CEP128: variants seen among roughly 807,000 people sequenced by gnomAD.
CEP128 encodes the protein centrosomal protein 128.
Under a neutral mutation model 156.7 loss-of-function variants are expected in CEP128, and 132 were observed. The observed-to-expected ratio is 0.84, with a 90% confidence interval of 0.73 to 0.97. The LOEUF (loss-of-function observed/expected upper bound fraction) is 0.97, where lower values mean the gene tolerates loss of function less well. CEP128 is among the 50% of genes least tolerant of loss of function. The pLI, the probability that CEP128 is intolerant of heterozygous loss-of-function variation, is 0.00. For synonymous variants in CEP128, 469 were observed against 448.9 expected, an observed-to-expected ratio of 1.04 and a Z score of -0.57; for missense variants, 1,252 against 1,281.9, an observed-to-expected ratio of 0.98 and a Z score of 0.36.
rs1242719568 is a variant in CEP128, at chr14:80,571,316, C to CTA, written c.2856+9056_2856+9057dup. Among the ~76,000 whole-genome samples, 3 of 152,244 alleles carry CTA rather than the reference C, an allele frequency of 2.0e-5. No homozygotes were observed. In the East Asian group the frequency reaches 5.8e-4, roughly 29 times the overall value. On this transcript the variant is annotated intron_variant, in intron 20 of 24. Coordinates refer to ENST00000555265, the MANE Select transcript of CEP128 (RefSeq NM_152446.5). Reference sequence around the variant, plus strand: ...ACAGTGAAATAAGAACTAGGGATTTCTATTACAACCAGAATGTAGTAAAGG... The same window carrying CTA: ...ACAGTGAAATAAGAACTAGGGATTTCTATATTACAACCAGAATGTAGTAAAGG...
intron 2 of CEP128, among the ~76,000 whole-genome samples, chr14:80,953,242 A>G (rs1462122260): frequency 6.6e-6 from 1 of 152,268 alleles, no homozygotes; most frequent in Non-Finnish European, 1.5e-5. Context: ...CGTCTATGTA[A>G]AACTTTTAAA....
intron 9 of CEP128, among the ~76,000 whole-genome samples, chr14:80,851,610 C>G (rs565832796): frequency 6.6e-6 from 1 of 151,632 alleles, no homozygotes; most frequent in Admixed American, 6.6e-5. Context: ...ATATACTCCA[C>G]TCCAAATAGA....
intron 19 of CEP128, among the ~76,000 whole-genome samples, chr14:80,599,532 C>T (rs1401176506): frequency 6.6e-6 from 1 of 152,094 alleles, no homozygotes; most frequent in Non-Finnish European, 1.5e-5. Flanking sequence ...GCCTTAGCCT[C>T]CCAAAGTGCT....
downstream of CEP128, among the ~76,000 whole-genome samples, chr14:80,494,421 T>C (rs551698243): frequency 4.6e-5 from 7 of 152,318 alleles, no homozygotes; most frequent in African/African-American, 1.7e-4. Flanking sequence ...TACCATAGGA[T>C]GTGTAGTTGC....
At chr14:80,691,091 A>T (rs953487824) in intron 19 of CEP128, among the ~76,000 whole-genome samples, 3 of 152,212 alleles carry the variant, frequency 2.0e-5, no homozygotes, top group African/African-American at 7.2e-5. Flanking sequence ...TAACCTATAA[A>T]TACTTGAAGT....
intron 18 of CEP128, among the ~76,000 whole-genome samples, chr14:80,745,254 C>T (rs1161607115): frequency 6.6e-6 from 1 of 152,098 alleles, no homozygotes; most frequent in East Asian, 1.9e-4. Context: ...GCTTGCTTCC[C>T]TTTCACCCTT....
Position 80,661,708 on chromosome 14 carries a change from G to A in CEP128, c.2807-81285C>T, listed in dbSNP as rs185665144. 2.9e-3 allele frequency among the ~76,000 whole-genome samples: 441 copies of A among 152,190 alleles called. 1 individual carries two copies. Among genetic ancestry groups the A allele is most frequent in the African/African-American group, 0.01 (425 of 41,538 alleles). ...TTTTCATTAAAGCAGGTTTTTGCTA[G>A]GCAGTTGGACTTCAAATAAATATAT... On this transcript the variant is annotated intron_variant, in intron 19 of 24. Transcript: ENST00000555265.
intron 9 of CEP128, among the ~76,000 whole-genome samples, chr14:80,857,740 A>AC (rs1887264315): frequency 1.4e-4 from 19 of 138,742 alleles, no homozygotes; most frequent in African/African-American, 4.2e-4. Context: ...ATCTCAAAAA[A>AC]AAACAACAAC....
chr14:80,539,843 G>C (rs1222251043), intron 21 of CEP128, among the ~76,000 whole-genome samples: 1 of 152,074 alleles, frequency 6.6e-6, no homozygotes, highest in Non-Finnish European at 1.5e-5. Flanking sequence ...CTGGGGGGAG[G>C]TCTATAAACA....
At chr14:80,696,877 T>C (rs1169623782) in intron 19 of CEP128, among the ~76,000 whole-genome samples, 5 of 151,932 alleles carry the variant, frequency 3.3e-5, no homozygotes, top group Admixed American at 1.3e-4. Context: ...GCGTCGTTTC[T>C]TTGTATTTGC....
At chr14:80,927,079 C>T (rs1429341003) in intron 2 of CEP128, among the ~76,000 whole-genome samples, 1 of 152,202 alleles carries the variant, frequency 6.6e-6, no homozygotes, top group Non-Finnish European at 1.5e-5. Flanking sequence ...GCGGCAGCCC[C>T]ACTAGGTGGC....
intron 19 of CEP128, among the ~76,000 whole-genome samples, chr14:80,583,059 C>T (rs929713928): frequency 1.3e-5 from 2 of 152,126 alleles, no homozygotes; most frequent in Non-Finnish European, 2.9e-5. Flanking sequence ...ACAACTCACT[C>T]ATCTGATAAA....
intron 13 of CEP128, among the ~76,000 whole-genome samples, chr14:80,799,628 C>G (rs1883715915): frequency 6.6e-6 from 1 of 152,046 alleles, no homozygotes; most frequent in South Asian, 2.1e-4. Context: ...TATTAATACC[C>G]TGGGGAAGGA....
intron 21 of CEP128, among the ~76,000 whole-genome samples, chr14:80,538,539 T>C (rs901924173): frequency 6.6e-6 from 1 of 152,222 alleles, no homozygotes; most frequent in African/African-American, 2.4e-5. Flanking sequence ...TAGATTCAAC[T>C]ATTAACATTA....
At chr14:80,920,074 A>T (rs1248918456) in intron 2 of CEP128, among the ~76,000 whole-genome samples, 2 of 152,216 alleles carry the variant, frequency 1.3e-5, no homozygotes, top group African/African-American at 4.8e-5. Flanking sequence ...TCATTATAAT[A>T]AAAAATAAAA....
intron 19 of CEP128, among the ~76,000 whole-genome samples, chr14:80,630,614 C>T (rs1893921011): frequency 6.6e-6 from 1 of 152,014 alleles, no homozygotes; most frequent in Non-Finnish European, 1.5e-5. Flanking sequence ...CAGTAATATA[C>T]ATTATTCCTT....
chr14:80,803,794 T>TATTTC (rs1884014659), intron 13 of CEP128, among the ~76,000 whole-genome samples: 1 of 152,222 alleles, frequency 6.6e-6, no homozygotes, highest in Admixed American at 6.5e-5. Flanking sequence ...GTAAAGCCTC[T>TATTTC]ATTTCATCCT....
chr14:80,744,813 C>T (rs537322055), intron 18 of CEP128, among the ~76,000 whole-genome samples: 1 of 152,240 alleles, frequency 6.6e-6, no homozygotes, highest in East Asian at 1.9e-4. Context: ...TGTTGAGAAT[C>T]CCTTGCTCCC....
At chr14:80,654,904 C>T (rs1895064853) in intron 19 of CEP128, among the ~76,000 whole-genome samples, 1 of 152,048 alleles carries the variant, frequency 6.6e-6, no homozygotes, top group African/African-American at 2.4e-5. Flanking sequence ...ACAGTGTAGC[C>T]ACTGTTCTAA....
Sources: gnomAD v4.1 joint callset for allele counts (sites outside exome capture counted in the v4.1 genomes callset) on GRCh38, gnomAD v4.1.1 for gene constraint, MANE v1.5 for transcripts, NCBI Gene and HGNC (gene_info 2026-07-23, HGNC 2026-07-21) for gene names.